Variants in ATG4C observed in about 807,000 individuals in gnomAD.
ATG4C encodes the protein autophagy related 4C cysteine peptidase, also known as cysteine protease ATG4C.
A neutral mutation model predicts 57.6 loss-of-function variants in ATG4C; 56 were observed. That is an observed-to-expected ratio of 0.97 (90% CI 0.78 to 1.21). The LOEUF (loss-of-function observed/expected upper bound fraction) is 1.21. Among genes scored for constraint, ATG4C ranks in the 50% most tolerant of loss-of-function variants. The pLI, the probability that ATG4C is intolerant of heterozygous loss-of-function variation, is 0.00. For missense variants in ATG4C, 595 were observed against 529.8 expected, an observed-to-expected ratio of 1.12 and a Z score of -1.21; for synonymous variants, 157 against 174.1, an observed-to-expected ratio of 0.90 and a Z score of 0.78.
chr1:62,806,377 C>T (rs1220471151), intron 3 of ATG4C, among the ~76,000 whole-genome samples: 1 of 150,718 alleles, frequency 6.6e-6, no homozygotes, highest in Non-Finnish European at 1.5e-5. Context: ...TTTTTTTGGG[C>T]AGAGGACAAC....
At chr1:62,822,981 C>T (rs906569011) in intron 6 of ATG4C, among the ~76,000 whole-genome samples, 3 of 152,060 alleles carry the variant, frequency 2.0e-5, no homozygotes, top group Non-Finnish European at 4.4e-5. Flanking sequence ...ATGGTGAAAC[C>T]CTGTCACTAC....
intron 7 of ATG4C, among the ~76,000 whole-genome samples, chr1:62,829,978 A>C (rs1464570466): frequency 5.9e-5 from 9 of 152,102 alleles, no homozygotes; most frequent in Non-Finnish European, 8.8e-5. Context: ...TTTTATGATT[A>C]ATAACTATTT....
intron 10 of ATG4C, among the ~76,000 whole-genome samples, chr1:62,860,409 C>T (rs183109948): frequency 2.0e-5 from 3 of 152,252 alleles, no homozygotes; most frequent in African/African-American, 7.2e-5. Flanking sequence ...ATCTGCCATA[C>T]AATCAGTTTG....
chr1:62,796,981 G>A (rs1664491344), intron 1 of ATG4C, among the ~76,000 whole-genome samples: 1 of 152,080 alleles, frequency 6.6e-6, no homozygotes, highest in East Asian at 1.9e-4. Flanking sequence ...GGTGGCACAT[G>A]CCTGAAATCC....
At chr1:62,801,958 CAAAAAAAAAAAAAA>C (rs60298362) in intron 1 of ATG4C, among the ~76,000 whole-genome samples, 5 of 51,890 alleles carry the variant, frequency 9.6e-5, no homozygotes, top group South Asian at 1.2e-3. Flanking sequence ...ACTCTGTCTC[CAAAAAAAAAAAAAA>C]AAAAAAAAAA....
intron 10 of ATG4C, among the ~76,000 whole-genome samples, chr1:62,849,912 T>G (rs182553875): frequency 3.3e-5 from 5 of 151,618 alleles, no homozygotes; most frequent in African/African-American, 1.2e-4. Context: ...AAAATACTTG[T>G]TTTAGTTATT....
chr1:62,792,885 A>G (rs1664327016), intron 1 of ATG4C, among the ~76,000 whole-genome samples: 1 of 114,890 alleles, frequency 8.7e-6, no homozygotes, highest in Non-Finnish European at 1.7e-5. Flanking sequence ...TCAGGGTGGT[A>G]GTGATTTTTT....
At chr1:62,800,636 G>C (rs998705330) in intron 1 of ATG4C, among the ~76,000 whole-genome samples, 2 of 152,130 alleles carry the variant, frequency 1.3e-5, no homozygotes, top group Non-Finnish European at 2.9e-5. Context: ...TTTTCTTGAG[G>C]AAAATTCGTC....
chr1:62,809,477 A>G (rs1183661342), intron 3 of ATG4C, among the ~76,000 whole-genome samples: 1 of 147,392 alleles, frequency 6.8e-6, no homozygotes, highest in African/African-American at 2.5e-5. Context: ...AAATACATAT[A>G]GACATATATA....
intron 10 of ATG4C, among the ~76,000 whole-genome samples, chr1:62,862,294 A>G (rs574160144): frequency 2.5e-4 from 38 of 152,176 alleles, no homozygotes; most frequent in Admixed American, 5.9e-4. Context: ...AACTTTGATG[A>G]GCAACTTAGT....
chr1:62,855,707 T>TA (rs1415410110), intron 10 of ATG4C, among the ~76,000 whole-genome samples: 1 of 152,242 alleles, frequency 6.6e-6, no homozygotes, highest in Non-Finnish European at 1.5e-5. Context: ...CCTTCTGAGA[T>TA]ACGTACTTTT....
intron 10 of ATG4C, among the ~76,000 whole-genome samples, chr1:62,861,620 CACACACAGAG>C (rs1413462880): frequency 1.5e-4 from 5 of 33,772 alleles, no homozygotes; most frequent in Admixed American, 5.3e-4. Flanking sequence ...CACACACACA[CACACACAGAG>C]AGACACAAAC....
At chr1:62,812,371 C>G (rs938666627) in intron 3 of ATG4C, among the ~76,000 whole-genome samples, 2 of 152,120 alleles carry the variant, frequency 1.3e-5, no homozygotes, top group Non-Finnish European at 2.9e-5. Context: ...TGACAAAAAC[C>G]ACATGATTAT....
chr1:62,803,723 T>A lies in ATG4C; in HGVS notation c.-64T>A. On this transcript the variant is annotated 5_prime_UTR_variant, in exon 2 of 11. Coordinates refer to ENST00000317868, the MANE Select transcript of ATG4C (RefSeq NM_032852.4). ...TTTTTTCCTTAATTTTTAAAGTCAG[T>A]ATAAAAGATTAAACTCTACAGAAGA... is the stretch of plus-strand genomic sequence containing the variant. The A allele has an allele frequency of 8.8e-7, 1 of 1,140,316 alleles. No homozygotes were observed. The highest frequency in any genetic ancestry group is 1.4e-5 in the South Asian group (1 of 70,074). The allele number at this position is 1,140,316 out of a possible 1,614,324, so 70.6% of individuals were successfully genotyped here.
intron 1 of ATG4C, among the ~76,000 whole-genome samples, chr1:62,792,828 A>G (rs1022505133): frequency 1.3e-5 from 2 of 151,912 alleles, no homozygotes; most frequent in Non-Finnish European, 2.9e-5. Context: ...GAACCCAAGT[A>G]GTAGCTGGTT....
chr1:62,848,466 A>G (rs1418515482), intron 10 of ATG4C, among the ~76,000 whole-genome samples: 1 of 152,102 alleles, frequency 6.6e-6, no homozygotes, highest in Non-Finnish European at 1.5e-5. Context: ...TATTTCTTTT[A>G]ATGCTGTTAC....
intron 1 of ATG4C, among the ~76,000 whole-genome samples, chr1:62,799,872 ATT>A (rs35368838): frequency 2.1e-5 from 3 of 141,442 alleles, no homozygotes; most frequent in Non-Finnish European, 3.1e-5. Context: ...CATTCTTTCT[ATT>A]TTTTTTTTTT....
chr1:62,848,174 T>G (rs1258484709), intron 10 of ATG4C, among the ~76,000 whole-genome samples: 2 of 151,748 alleles, frequency 1.3e-5, no homozygotes, highest in East Asian at 3.9e-4. Flanking sequence ...TTTATACATT[T>G]TGAGGCTTTG....
chr1:62,842,301 A>ATTTT (rs71045857), intron 10 of ATG4C, among the ~76,000 whole-genome samples: 8 of 139,536 alleles, frequency 5.7e-5, no homozygotes, highest in East Asian at 4.1e-4. Context: ...ATTTTTGGGA[A>ATTTT]TTTTTTTTTT....
Sources: allele counts gnomAD v4.1 joint callset (sites outside exome capture counted in the v4.1 genomes callset), GRCh38; gene constraint gnomAD v4.1.1; transcripts MANE v1.5; gene names NCBI Gene and HGNC (gene_info 2026-07-23, HGNC 2026-07-21).